The following DDI2 variants were observed in gnomAD, a reference collection of about 807,000 sequenced individuals.
DDI2 encodes protein DDI1 homolog 2.
Under a neutral mutation model 48.1 loss-of-function variants are expected in DDI2, and 5 were observed. The ratio of observed to expected loss-of-function variants is 0.10; its 90% CI spans 0.05 to 0.22. The LOEUF is 0.22. Among genes scored for constraint, DDI2 ranks in the 10% least tolerant of loss-of-function variants. DDI2 has a pLI of 1.00. For missense variants in DDI2, 285 were observed against 506.2 expected, an observed-to-expected ratio of 0.56 and a Z score of 4.19; for synonymous variants, 205 against 183.6, an observed-to-expected ratio of 1.12 and a Z score of -0.94.
rs1342837520 is a variant in DDI2 at position 15,658,393 on chromosome 1, A to G, written c.*47-1444A>G. Among the ~76,000 whole-genome samples, 3 of 151,734 alleles carry G rather than the reference A, an allele frequency of 2.0e-5. No individual in the cohort carries two copies. In the East Asian group the frequency reaches 5.9e-4, roughly 30 times the overall value. On this transcript the variant is annotated intron_variant, in intron 9 of 9. Transcript: ENST00000480945. ...TCGAACTCCTGACCTCAGGTGATCC[A>G]CCTGCCTCGGCCTCCCAAAGTGCTG...
At chr1:15,633,387 T>C (rs541380916) in intron 3 of DDI2, 52 bp from the exon 4 acceptor site, 1 of 1,595,808 alleles carries the variant, frequency 6.3e-7, no homozygotes, top group Non-Finnish European at 8.5e-7. Flanking sequence ...AAAGTACTGA[T>C]AAACGTTGAA....
In DDI2 at chr1:15,660,232, A is replaced by T. The variant is rs1452657179; in HGVS notation, c.*442A>T. On this transcript the variant is annotated 3_prime_UTR_variant, in exon 10 of 10. Coordinates refer to ENST00000480945, the MANE Select transcript of DDI2 (RefSeq NM_032341.5). ...TGCTGAAAGAAGCACCCAGGGCCTC[A>T]AATTTCATCTCCATACAAGACAGGA... 6.2e-6 allele frequency: 10 copies of T among 1,614,226 alleles called. No homozygotes were observed. Among genetic ancestry groups the T allele is most frequent in the Non-Finnish European group, 7.6e-6 (9 of 1,180,036 alleles).
chr1:15,659,413 A>G (rs747885912), intron 9 of DDI2, among the ~76,000 whole-genome samples: 2 of 152,236 alleles, frequency 1.3e-5, no homozygotes, highest in African/African-American at 2.4e-5. Context: ...ACTCTCAAGT[A>G]TGGTACCCCA....
At position 15,660,362 on chromosome 1, in the gene DDI2, C is replaced by T. The variant is rs201848262; in HGVS notation, c.*572C>T. 5 of 1,614,004 alleles carry T rather than the reference C, an allele frequency of 3.1e-6. No homozygotes were observed. Among genetic ancestry groups the T allele is most frequent in the Non-Finnish European group, 4.2e-6 (5 of 1,179,988 alleles). ...CAGAACCTGAGTCAAGTGAGTGACC[C>T]TCAGCAGCACGAAGAACCAGGGAAT... On this transcript the variant is annotated 3_prime_UTR_variant, in exon 10 of 10. Transcript: ENST00000480945.
chr1:15,658,331 G>C (rs894010733), intron 9 of DDI2, among the ~76,000 whole-genome samples: 17 of 151,548 alleles, frequency 1.1e-4, no homozygotes, highest in Non-Finnish European at 2.2e-4. Flanking sequence ...TGTATTTTTA[G>C]TAGAGATGAG....
rs112285934 is a variant in DDI2, at chr1:15,646,547, C to T, written c.889+2897C>T. ...ACTAAAAATACAAAAATTAGCCGGGCGTGGTGGCGGGTGCCTGTAATCCCA... is the reference window on the plus strand; with the variant it reads ...ACTAAAAATACAAAAATTAGCCGGGTGTGGTGGCGGGTGCCTGTAATCCCA... On this transcript the variant is annotated intron_variant, in intron 6 of 9. Transcript: ENST00000480945. 4.7e-3 allele frequency among the ~76,000 whole-genome samples: 722 copies of T among 152,096 alleles called. 7 individuals carry two copies. The highest frequency in any genetic ancestry group is 0.017 in the African/African-American group (688 of 41,494).
At chr1:15,658,754 TAA>T (rs3070655) in intron 9 of DDI2, among the ~76,000 whole-genome samples, 21 of 145,642 alleles carry the variant, frequency 1.4e-4, no homozygotes, top group African/African-American at 4.8e-4. Flanking sequence ...AACACAGTCT[TAA>T]AAAAAAAAAA....
At position 15,649,316 on chromosome 1, in the gene DDI2, C is replaced by G. The variant is rs544998622; in HGVS notation, c.890-404C>G. Among the ~76,000 whole-genome samples, 7 of 152,012 alleles carry G rather than the reference C, an allele frequency of 4.6e-5. No homozygotes were observed. In the South Asian group the frequency reaches 1.5e-3, roughly 32 times the overall value. Reference sequence around the variant, plus strand: ...GGCAGAGGTTGCAGTGAGCCGAGATCACGCCACTGCACTCCAGCCTGGGCA... The same window carrying G: ...GGCAGAGGTTGCAGTGAGCCGAGATGACGCCACTGCACTCCAGCCTGGGCA... On this transcript the variant is annotated intron_variant, in intron 6 of 9. Transcript: ENST00000480945.
intron 4 of DDI2, among the ~76,000 whole-genome samples, chr1:15,634,811 G>T (rs1334730298): frequency 6.6e-6 from 1 of 151,860 alleles, no homozygotes; most frequent in Non-Finnish European, 1.5e-5. Context: ...GGATTATAGG[G>T]ATGAGCCACT....
chr1:15,646,222 T>C (rs1640087596), intron 6 of DDI2, among the ~76,000 whole-genome samples: 1 of 152,232 alleles, frequency 6.6e-6, no homozygotes, highest in Non-Finnish European at 1.5e-5. Flanking sequence ...GCCTTGCTGC[T>C]TTGGGTCCAT....
chr1:15,656,326 C>A (rs563257453), intron 8 of DDI2: 18 of 1,072,284 alleles, frequency 1.7e-5, no homozygotes, highest in Non-Finnish European at 2.2e-5. Context: ...GATCTACTTT[C>A]TTCACCTGTC....
chr1:15,617,793 C>T lies in DDI2; in HGVS notation c.123C>T (p.Pro41=), dbSNP rs750802727. 1.2e-6 allele frequency: 2 copies of T among 1,602,586 alleles called. No homozygotes were observed. Among genetic ancestry groups the T allele is most frequent in the African/African-American group, 1.3e-5 (1 of 74,812 alleles). ...RALCELESGI[P]AAESQIVYAE... is the part of the protein sequence containing the mutation. ...TGTGCGAGCTCGAGTCTGGCATCCC[C>T]GCAGCCGAGAGCCAGGTACGCCGGG... Residue 41 remains proline (P), a synonymous_variant, in exon 1 of 10, where the codon CCC becomes CCT. Coordinates refer to ENST00000480945, the MANE Select transcript of DDI2 (RefSeq NM_032341.5).
At position 15,651,859 on chromosome 1, in the gene DDI2, T is replaced by TTAGCAGAAG. The variant is rs1557622273; in HGVS notation, c.1148_1156dup (p.Glu385_Ala386insValAlaGlu). On this transcript the variant is annotated inframe_insertion, in exon 8 of 10. Transcript: ENST00000480945. ...GCCAGAGGAGATTGCAGACCAAGAATTAGCAGAAGCCCTTCAAAAATCAGC... is the reference window on the plus strand; with the variant it reads ...GCCAGAGGAGATTGCAGACCAAGAATTAGCAGAAGTAGCAGAAGCCCTTCAAAAATCAGC... 7 of 1,613,736 alleles carry TTAGCAGAAG rather than the reference T, an allele frequency of 4.3e-6. No individual in the cohort carries two copies. The highest frequency in any genetic ancestry group is 1.3e-5 in the African/African-American group (1 of 74,966).
chr1:15,661,095 A>G lies in DDI2; in HGVS notation c.*1305A>G. 1 of 1,613,962 alleles carries G rather than the reference A, an allele frequency of 6.2e-7. No homozygotes were observed. Among genetic ancestry groups the G allele is most frequent in the South Asian group, 1.1e-5 (1 of 91,034 alleles). ...AAAATGAGCATCTTACCCAGAATGA[A>G]CAGTGTCCACAAGTCTCCTTTCATC... On this transcript the variant is annotated 3_prime_UTR_variant, in exon 10 of 10. Coordinates refer to ENST00000480945, the MANE Select transcript of DDI2 (RefSeq NM_032341.5).
rs1394374127 is a variant in DDI2 at position 15,660,872 on chromosome 1, G to GT, written c.*1083dup. ...GGCCATTACTCCTCTCCAAGTCTCT[G>GT]TGGCAGTTGTCAGCCTTCTGTGGAG... On this transcript the variant is annotated 3_prime_UTR_variant, in exon 10 of 10. Coordinates refer to ENST00000480945, the MANE Select transcript of DDI2 (RefSeq NM_032341.5). 8 of 1,614,046 alleles carry GT rather than the reference G, an allele frequency of 5.0e-6. No homozygotes were observed. The highest frequency in any genetic ancestry group is 6.8e-6 in the Non-Finnish European group (8 of 1,180,038).
At chr1:15,633,339 C>T (rs1245382132) in intron 3 of DDI2, 100 bp from the exon 4 acceptor site, 3 of 1,397,664 alleles carry the variant, frequency 2.1e-6, no homozygotes, top group Non-Finnish European at 2.9e-6. Flanking sequence ...CTCTCTGCAT[C>T]TCTTACAGAT....
chr1:15,661,924 C>T lies in DDI2; in HGVS notation c.*2134C>T, dbSNP rs1570996640. ...TTGTCTGATGAATTTGTCTATCCTA[C>T]TTGTTAAAATTTAGGCCTTTTTAAA... On this transcript the variant is annotated 3_prime_UTR_variant, in exon 10 of 10. Coordinates refer to ENST00000480945, the MANE Select transcript of DDI2 (RefSeq NM_032341.5). 15 of 749,552 alleles carry T rather than the reference C, an allele frequency of 2.0e-5. No homozygotes were observed. The highest frequency in any genetic ancestry group is 2.7e-5 in the Non-Finnish European group (14 of 517,488). The allele number at this position is 749,552 out of a possible 1,614,324, so 46.4% of individuals were successfully genotyped here. A position where few individuals can be genotyped will look rare whatever the true frequency, so the allele number is the denominator to read the frequency against.
At position 15,661,755 on chromosome 1, in the gene DDI2, C is replaced by T. The variant is rs998257743; in HGVS notation, c.*1965C>T. The T allele has an allele frequency of 1.3e-6, 2 of 1,559,932 alleles. No individual in the cohort carries two copies. Among genetic ancestry groups the T allele is most frequent in the Admixed American group, 3.9e-5 (2 of 51,724 alleles). On this transcript the variant is annotated 3_prime_UTR_variant, in exon 10 of 10. Transcript: ENST00000480945. ...AAAGTGGGCTAGACCGTTCTCCATT[C>T]CCTTTAAACAAAAGAAAGCTCTCTC...
At chr1:15,619,420 C>G (rs1639620281) in intron 1 of DDI2, among the ~76,000 whole-genome samples, 1 of 150,282 alleles carries the variant, frequency 6.7e-6, no homozygotes, top group South Asian at 2.1e-4. Flanking sequence ...GCCACCGTTC[C>G]CGGACAACTC....
Sources: allele counts gnomAD v4.1 joint callset (sites outside exome capture counted in the v4.1 genomes callset), GRCh38; gene constraint gnomAD v4.1.1; transcripts MANE v1.5; gene names NCBI Gene and HGNC (gene_info 2026-07-23, HGNC 2026-07-21).